SH3BP2: variants seen among roughly 807,000 people sequenced by gnomAD.
The protein encoded by SH3BP2 is SH3 domain binding protein 2.
Under a neutral mutation model 56.2 loss-of-function variants are expected in SH3BP2, and 38 were observed. That is an observed-to-expected ratio of 0.68 (90% CI 0.52 to 0.89). SH3BP2 has a LOEUF of 0.89. Ranked by LOEUF, SH3BP2 falls within the 40% of genes least tolerant of loss-of-function variation. The pLI is 0.00. For missense variants in SH3BP2, 748 were observed against 762.6 expected (o/e 0.98, Z 0.23); for synonymous variants, 346 against 316.7 (o/e 1.09, Z -0.98).
Position 2,837,112 on chromosome 4 carries a change from C to A in SH3BP2, c.*3278C>A. ...CCAGGCTAGAGTGGATTGGCGTGAT[C>A]TCGGCTCAATGCAAATCTCCAGGGT... On this transcript the variant is annotated 3_prime_UTR_variant, in exon 13 of 13. Transcript: ENST00000503393. 6.6e-6 allele frequency: 1 copy of A among 152,082 alleles called. No individual in the cohort carries two copies. Among genetic ancestry groups the A allele is most frequent in the Non-Finnish European group, 1.5e-5 (1 of 68,030 alleles). 9.4% of individuals were successfully genotyped at this position (152,082 alleles called of 1,614,324 possible).
At position 2,833,842 on chromosome 4, in the gene SH3BP2, C is replaced by T. The variant is rs1453425189; in HGVS notation, c.*8C>T. The T allele has an allele frequency of 6.4e-7, 1 of 1,558,890 alleles. No homozygotes were observed. Among genetic ancestry groups the T allele is most frequent in the Non-Finnish European group, 8.7e-7 (1 of 1,153,014 alleles). On this transcript the variant is annotated 3_prime_UTR_variant, in exon 13 of 13. Transcript: ENST00000503393. ...TACACTGGGCCTAGGTGATGGCAGT[C>T]CATGTGGCTGCCAGGCCAAGGCAGT... is the stretch of plus-strand genomic sequence containing the variant.
At chr4:2,795,328 C>T (rs1025122626) in intron 1 of SH3BP2, among the ~76,000 whole-genome samples, 1 of 152,172 alleles carries the variant, frequency 6.6e-6, no homozygotes, top group Non-Finnish European at 1.5e-5. Flanking sequence ...GGTCTTCCTG[C>T]GTTCTGTCCT....
intron 1 of SH3BP2, chr4:2,818,119 G>A (rs1277052151): frequency 2.9e-6 from 2 of 682,662 alleles, no homozygotes; most frequent in Admixed American, 6.3e-5. Context: ...ACGGTGACGC[G>A]GCAGGGGGCG....
chr4:2,814,608 C>T (rs1224061735), intron 1 of SH3BP2, among the ~76,000 whole-genome samples: 12 of 152,240 alleles, frequency 7.9e-5, no homozygotes, highest in Admixed American at 3.3e-4. Flanking sequence ...TCATGGAGCC[C>T]AGCAGCCACC....
chr4:2,816,251 C>T (rs530270541), intron 1 of SH3BP2, among the ~76,000 whole-genome samples: 13 of 152,168 alleles, frequency 8.5e-5, no homozygotes, highest in East Asian at 3.9e-4. Flanking sequence ...ATGTTGGCCA[C>T]GCTGGTCTCG....
intron 1 of SH3BP2, chr4:2,798,982 A>G: frequency 1.0e-6 from 1 of 985,690 alleles, no homozygotes; most frequent in Non-Finnish European, 1.2e-6. Flanking sequence ...GTGGCCCCCC[A>G]GGAGCTGCAC....
At chr4:2,799,077 G>A in intron 1 of SH3BP2, 7 of 985,536 alleles carry the variant, frequency 7.1e-6, no homozygotes, top group Non-Finnish European at 8.4e-6. Context: ...GCTCAGGGGT[G>A]CAGCCTCAGC....
chr4:2,801,190 G>A (rs1317453332), intron 1 of SH3BP2, among the ~76,000 whole-genome samples: 1 of 152,184 alleles, frequency 6.6e-6, no homozygotes, highest in Non-Finnish European at 1.5e-5. Context: ...TTCCCGGCAG[G>A]CCGGGCCCAC....
chr4:2,795,545 G>T (rs1371262304), intron 1 of SH3BP2, among the ~76,000 whole-genome samples: 1 of 152,230 alleles, frequency 6.6e-6, no homozygotes, highest in Non-Finnish European at 1.5e-5. Flanking sequence ...GGTGGGTGAG[G>T]AGAAGGGCAG....
At chr4:2,827,157 A>C (rs761739774) in intron 5 of SH3BP2, 73 bp from the exon 6 acceptor site, 5 of 1,189,268 alleles carry the variant, frequency 4.2e-6, no homozygotes, top group Non-Finnish European at 5.0e-6. Context: ...GCCTGTGTGT[A>C]CCTTTGTGTG....
chr4:2,831,549 C>G lies in SH3BP2; in HGVS notation c.1242-22C>G, dbSNP rs1347349467. ...GTGTCTGACAGTGAAATGGTCCTGC[C>G]TTCCTCTCCCTGCCCCTCCAGGCGA... is the stretch of plus-strand genomic sequence containing the variant. On this transcript the variant is annotated intron_variant, in intron 8 of 12. Transcript: ENST00000503393. This position sits in a 1 kb window ranked among gnomAD's most constrained non-coding sequence, Gnocchi z 4.1. The G allele has an allele frequency of 2.6e-6, 4 of 1,542,446 alleles. No homozygotes were observed. The highest frequency in any genetic ancestry group is 3.5e-6 in the Non-Finnish European group (4 of 1,136,406).
rs1430245045 is a variant in SH3BP2 at position 2,836,181 on chromosome 4, C to G, written c.*2347C>G. The G allele has an allele frequency of 6.6e-6, 1 of 152,378 alleles. No homozygotes were observed. The highest frequency in any genetic ancestry group is 6.5e-5 in the Admixed American group (1 of 15,280). 9.4% of individuals were successfully genotyped at this position (152,378 alleles called of 1,614,324 possible). ...CTGGGGCCCTGGTCCAGCCTCGCCT[C>G]CCAGACTCTGCACCTGCTAGCACAG... On this transcript the variant is annotated 3_prime_UTR_variant, in exon 13 of 13. Coordinates refer to ENST00000503393, the MANE Select transcript of SH3BP2 (RefSeq NM_001122681.2).
At chr4:2,827,359 C>T in intron 6 of SH3BP2, 41 bp downstream of exon 6, 1 of 1,555,832 alleles carries the variant, frequency 6.4e-7, no homozygotes, top group Non-Finnish European at 8.9e-7. Context: ...TTGCCTCTCC[C>T]CACCTGGCCT....
At chr4:2,799,621 A>G (rs905144748) in intron 1 of SH3BP2, among the ~76,000 whole-genome samples, 14 of 152,182 alleles carry the variant, frequency 9.2e-5, no homozygotes, top group Non-Finnish European at 1.6e-4. Context: ...GGCTGGCATC[A>G]AGGGGACAGC....
At chr4:2,814,931 GT>G (rs1723929097) in intron 1 of SH3BP2, 1 of 152,338 alleles carries the variant, frequency 6.6e-6, no homozygotes, top group Non-Finnish European at 1.5e-5. Context: ...GGCCTGTGGA[GT>G]CCCCTGGAAT....
At chr4:2,812,526 A>G in intron 1 of SH3BP2, 1 of 1,529,322 alleles carries the variant, frequency 6.5e-7, no homozygotes, top group South Asian at 1.2e-5. Flanking sequence ...GCACTGGTCT[A>G]GCACCTGAAG....
chr4:2,795,661 G>A (rs113405180), intron 1 of SH3BP2, among the ~76,000 whole-genome samples: 2 of 152,316 alleles, frequency 1.3e-5, no homozygotes, highest in East Asian at 3.9e-4. Flanking sequence ...AGGGTGGGCC[G>A]TCAGGAGGAG....
At chr4:2,818,173 C>G (rs1418999981) in intron 1 of SH3BP2, 1 of 979,760 alleles carries the variant, frequency 1.0e-6, no homozygotes, top group Non-Finnish European at 1.2e-6. Flanking sequence ...CCCGCCCAGT[C>G]CCCCGCCGAG....
At chr4:2,821,846 A>AT (rs1553805032) in intron 2 of SH3BP2, among the ~76,000 whole-genome samples, 1 of 151,504 alleles carries the variant, frequency 6.6e-6, no homozygotes, top group Non-Finnish European at 1.5e-5. Flanking sequence ...CATCCAGCCT[A>AT]TTTTTTATTT....
Sources: gnomAD v4.1 joint callset for allele counts (sites outside exome capture counted in the v4.1 genomes callset) on GRCh38, gnomAD v4.1.1 for gene constraint, Gnocchi (gnomAD v3.1) non-coding constraint, MANE v1.5 for transcripts, NCBI Gene and HGNC (gene_info 2026-07-23, HGNC 2026-07-21) for gene names.